TET1: variants seen among roughly 807,000 people sequenced by gnomAD.
TET1 encodes the protein tet methylcytosine dioxygenase 1.
Under a neutral mutation model 148.7 loss-of-function variants are expected in TET1, and 13 were observed. The ratio of observed to expected loss-of-function variants is 0.09; its 90% confidence interval spans 0.06 to 0.14. The LOEUF (loss-of-function observed/expected upper bound fraction) is 0.14. Ranked by LOEUF, TET1 falls within the 10% of genes least tolerant of loss-of-function variation. The pLI, the probability that TET1 is intolerant of heterozygous loss-of-function variation, is 1.00. For missense variants in TET1, 2,182 were observed against 2,553.8 expected, an observed-to-expected ratio of 0.85 and a Z score of 3.14; for synonymous variants, 907 against 937.2, an observed-to-expected ratio of 0.97 and a Z score of 0.59.
chr10:68,626,954 A>G (rs947274214), intron 3 of TET1, among the ~76,000 whole-genome samples: 3 of 152,212 alleles, frequency 2.0e-5, no homozygotes, highest in Non-Finnish European at 2.9e-5. Flanking sequence ...TCTTTAAGAC[A>G]TTTGTACAGT....
chr10:68,686,280 C>A, intron 10 of TET1, 76 bp from the exon 11 acceptor site: 1 of 1,272,740 alleles, frequency 7.9e-7, no homozygotes, highest in Non-Finnish European at 1.1e-6. Flanking sequence ...AAGGCAACAA[C>A]ACGAAGGTAG....
intron 3 of TET1, among the ~76,000 whole-genome samples, chr10:68,619,149 T>C (rs894091759): frequency 1.3e-5 from 2 of 152,140 alleles, no homozygotes; most frequent in African/African-American, 4.8e-5. Flanking sequence ...GTTTTGTGGG[T>C]ATCTTTCTAG....
intron 2 of TET1, among the ~76,000 whole-genome samples, chr10:68,577,717 G>C (rs1343893371): frequency 6.6e-6 from 1 of 152,160 alleles, no homozygotes; most frequent in Non-Finnish European, 1.5e-5. Context: ...GCTAAGGCAG[G>C]AGAATCGCTT....
chr10:68,573,663 C>T lies in TET1; in HGVS notation c.1325C>T (p.Thr442Ile). ...CCTGTTCCTCCAAATCCAATTGCTA[C>T]CTTTAATGCTCCTTCCAAATGGCCT... The part of the protein sequence containing the change: ...FLPVPPNPIA[T>I]FNAPSKWPEP... The change falls in exon 2 of 12, where the codon ACC becomes ATC. Residue 442 changes from threonine (T) to isoleucine (I), a missense_variant. Physicochemically the swap from Thr to Ile is moderately conservative, Grantham distance 89 (BLOSUM62 -1). Transcript: ENST00000373644. 1 of 1,614,170 alleles carries T rather than the reference C, an allele frequency of 6.2e-7. No homozygotes were observed.
In TET1 at chr10:68,691,396, A is replaced by G; in HGVS notation, c.5993A>G (p.Glu1998Gly). 1 of 1,614,154 alleles carries G rather than the reference A, an allele frequency of 6.2e-7. No individual in the cohort carries two copies. ...PHIDEYWSDS[E>G]HIFLDANIGG... is the part of the protein sequence containing the mutation. ...ATTGATGAGTATTGGTCAGACAGTG[A>G]GCACATCTTTTTGGATGCAAATATT... Residue 1998 changes from glutamate to glycine, a missense_variant, in exon 12 of 12, where the codon GAG (glutamate) becomes GGG (glycine). Transcript: ENST00000373644. The surrounding 1 kb of genome is among the most constrained non-coding windows in gnomAD (Gnocchi z 4.4).
intron 3 of TET1, among the ~76,000 whole-genome samples, chr10:68,621,234 C>CTTGTTG (rs368908630): frequency 0.029 from 4,479 of 151,880 alleles, 93 homozygotes; most frequent in Non-Finnish European, 0.044. Context: ...CTAGGTGTTT[C>CTTGTTG]TTGTTGTTGT....
In TET1 at chr10:68,573,790, G is replaced by A. The variant is rs538486517; in HGVS notation, c.1452G>A (p.Glu484=). The change falls in exon 2 of 12, where the codon GAG becomes GAA. Residue 484 remains glutamate, a synonymous_variant. Transcript: ENST00000373644. The stretch of plus-strand genomic sequence containing the variant: ...CTCCTCAATCATCATCAAACTCAGA[G>A]AAAAATTCATTACCTCCAGTAATGG... ...GHTPQSSSNS[E]KNSLPPVMAI... 8.6e-5 allele frequency: 139 copies of A among 1,613,806 alleles called. No individual in the cohort carries two copies. Among genetic ancestry groups the A allele is most frequent in the Non-Finnish European group, 1.2e-4 (138 of 1,180,022 alleles).
intron 2 of TET1, among the ~76,000 whole-genome samples, chr10:68,577,010 G>A (rs1038697038): frequency 2.0e-5 from 3 of 151,918 alleles, no homozygotes; most frequent in Non-Finnish European, 4.4e-5. Context: ...CTGGGTTCAC[G>A]CCATTCTCCT....
At chr10:68,596,087 G>A (rs1244408582) in intron 2 of TET1, among the ~76,000 whole-genome samples, 1 of 142,718 alleles carries the variant, frequency 7.0e-6, no homozygotes, top group African/African-American at 2.6e-5. Flanking sequence ...TGCCCAGGCT[G>A]CAGTGCAGTG....
intron 1 of TET1, among the ~76,000 whole-genome samples, chr10:68,571,129 T>G: frequency 6.7e-6 from 1 of 149,230 alleles, no homozygotes; most frequent in Non-Finnish European, 1.5e-5. Flanking sequence ...TAGCTGGGAT[T>G]ACAGGCGCCT....
chr10:68,650,370 C>T (rs920934235), intron 4 of TET1, among the ~76,000 whole-genome samples: 2 of 152,008 alleles, frequency 1.3e-5, no homozygotes, highest in African/African-American at 2.4e-5. Context: ...AGGCTGGGTG[C>T]CGTGACTCAC....
intron 3 of TET1, among the ~76,000 whole-genome samples, chr10:68,618,210 C>A (rs1425159497): frequency 2.6e-5 from 4 of 151,970 alleles, no homozygotes; most frequent in African/African-American, 9.7e-5. Context: ...TAGTTTATAC[C>A]TTCACTTAAA....
chr10:68,625,620 A>C (rs2054466364), intron 3 of TET1, among the ~76,000 whole-genome samples: 1 of 152,318 alleles, frequency 6.6e-6, no homozygotes, highest in Non-Finnish European at 1.5e-5. Context: ...CTATTTTCAT[A>C]AAAAGCCTTA....
intron 6 of TET1, 43 bp from the exon 7 acceptor site, chr10:68,667,001 TG>T (rs775999265): frequency 1.3e-6 from 2 of 1,531,556 alleles, no homozygotes; most frequent in South Asian, 2.3e-5. Context: ...CATTCAAATT[TG>T]GCATACTTGT....
intron 2 of TET1, among the ~76,000 whole-genome samples, chr10:68,599,277 T>A (rs1417026309): frequency 6.6e-6 from 1 of 152,206 alleles, no homozygotes; most frequent in Non-Finnish European, 1.5e-5. Context: ...ATCCCCGAAA[T>A]GTGCTGCTGA....
At position 68,645,473 on chromosome 10, in the gene TET1, A is replaced by C; in HGVS notation, c.2744A>C (p.Lys915Thr). 1.9e-6 allele frequency: 3 copies of C among 1,613,918 alleles called. No individual in the cohort carries two copies. The highest frequency in any genetic ancestry group is 2.5e-6 in the Non-Finnish European group (3 of 1,180,044). The change falls in exon 4 of 12, where the codon AAG becomes ACG. Residue 915 changes from lysine to threonine, a missense_variant. Transcript: ENST00000373644. The stretch of plus-strand genomic sequence containing the variant: ...AATTCCTCCCCATCAAAGTCAGAGA[A>C]GGATGAGGAATCAGAGCAGAGAACA... The part of the protein sequence containing the change: ...SENSSPSKSE[K>T]DEESEQRTAS...
Position 68,693,660 on chromosome 10 carries a change from T to G in TET1, c.*1846T>G, listed in dbSNP as rs2055620809. ...TATTTTGTGTGCCTTAGATTTCCGT[T>G]TTAAGACATGTATATTTTTGTGAGC... On this transcript the variant is annotated 3_prime_UTR_variant, in exon 12 of 12. Coordinates refer to ENST00000373644, the MANE Select transcript of TET1 (RefSeq NM_030625.3). The G allele has an allele frequency of 1.3e-5, 3 of 232,384 alleles. No individual in the cohort carries two copies. The highest frequency in any genetic ancestry group is 1.7e-5 in the Non-Finnish European group (2 of 117,556). The allele number at this position is 232,384 out of a possible 1,614,324, so 14.4% of individuals were successfully genotyped here.
intron 8 of TET1, chr10:68,674,816 T>C (rs939369870): frequency 6.3e-6 from 3 of 478,400 alleles, no homozygotes; most frequent in African/African-American, 4.0e-5. Flanking sequence ...CTGGAACAAG[T>C]TGATGGAAAT....
chr10:68,581,287 A>C (rs2053794384), intron 2 of TET1, among the ~76,000 whole-genome samples: 1 of 152,226 alleles, frequency 6.6e-6, no homozygotes, highest in Admixed American at 6.5e-5. Context: ...ACAGATAATT[A>C]AAACTGCTAG....
Sources: gnomAD v4.1 joint callset for allele counts (sites outside exome capture counted in the v4.1 genomes callset) on GRCh38, gnomAD v4.1.1 for gene constraint, Gnocchi (gnomAD v3.1) non-coding constraint, MANE v1.5 for transcripts, NCBI Gene and HGNC (gene_info 2026-07-23, HGNC 2026-07-21) for gene names.